CYP7B1: variants seen among roughly 807,000 people sequenced by gnomAD.
CYP7B1 encodes cytochrome P450 family 7 subfamily B member 1.
A neutral mutation model predicts 42.7 loss-of-function variants in CYP7B1; 29 were observed. The observed-to-expected ratio is 0.68, with a 90% CI of 0.51 to 0.93. CYP7B1 has a LOEUF of 0.93. CYP7B1 is among the 40% of genes least tolerant of loss of function. CYP7B1 has a pLI of 0.00. For missense variants in CYP7B1, 655 were observed against 600.5 expected (o/e 1.09, Z -0.95); for synonymous variants, 235 against 218.2 (o/e 1.08, Z -0.68).
intron 1 of CYP7B1, among the ~76,000 whole-genome samples, chr8:64,739,368 T>G (rs1193697675): frequency 2.6e-5 from 4 of 152,210 alleles, no homozygotes; most frequent in African/African-American, 9.6e-5. Context: ...AGACTCTATT[T>G]AAGGAAGAAT....
chr8:64,755,675 T>G (rs529411544), intron 1 of CYP7B1, among the ~76,000 whole-genome samples: 117 of 152,302 alleles, frequency 7.7e-4, no homozygotes, highest in African/African-American at 2.4e-3. Context: ...GGATAGTAAA[T>G]GTTTTAAACT....
chr8:64,758,679 A>C (rs1807843572), intron 1 of CYP7B1, among the ~76,000 whole-genome samples: 1 of 152,224 alleles, frequency 6.6e-6, no homozygotes, highest in Non-Finnish European at 1.5e-5. Flanking sequence ...ACAGTAACTC[A>C]CTGCATAAAC....
chr8:64,606,266 A>G (rs1447142153), intron 4 of CYP7B1, among the ~76,000 whole-genome samples: 1 of 152,210 alleles, frequency 6.6e-6, no homozygotes, highest in Non-Finnish European at 1.5e-5. Flanking sequence ...TCTACTGCAG[A>G]TAGCCACGAG....
At chr8:64,760,485 G>T (rs1807872721) in intron 1 of CYP7B1, among the ~76,000 whole-genome samples, 1 of 151,900 alleles carries the variant, frequency 6.6e-6, no homozygotes, top group Non-Finnish European at 1.5e-5. Context: ...AAATATATAA[G>T]GAATTCATAC....
intron 1 of CYP7B1, among the ~76,000 whole-genome samples, chr8:64,750,218 C>A (rs1563414646): frequency 6.6e-6 from 1 of 152,040 alleles, no homozygotes; most frequent in Admixed American, 6.6e-5. Flanking sequence ...AGTTTCAGGT[C>A]CAGAGTCATG....
chr8:64,621,054 GTTAA>G (rs1585811942), intron 2 of CYP7B1, among the ~76,000 whole-genome samples: 1 of 152,290 alleles, frequency 6.6e-6, no homozygotes, highest in East Asian at 1.9e-4. Context: ...AAACACCAGT[GTTAA>G]TTATTTAAAG....
At chr8:64,615,640 T>A (rs1297287208) in intron 3 of CYP7B1, 51 bp downstream of exon 3, 3 of 1,547,872 alleles carry the variant, frequency 1.9e-6, no homozygotes, top group Non-Finnish European at 2.7e-6. Context: ...ATTTCAGAGG[T>A]CTATTGTAAA....
At chr8:64,697,585 T>A (rs1024993481) in intron 1 of CYP7B1, among the ~76,000 whole-genome samples, 1 of 152,158 alleles carries the variant, frequency 6.6e-6, no homozygotes, top group Non-Finnish European at 1.5e-5. Flanking sequence ...GCTGAAGGAA[T>A]GAAGGAAGAA....
At chr8:64,724,900 A>T (rs1585878651) in intron 1 of CYP7B1, among the ~76,000 whole-genome samples, 1 of 152,150 alleles carries the variant, frequency 6.6e-6, no homozygotes, top group East Asian at 1.9e-4. Context: ...TAGAAATATT[A>T]CTCTAACCTT....
intron 1 of CYP7B1, among the ~76,000 whole-genome samples, chr8:64,796,779 A>G (rs894256888): frequency 1.1e-4 from 16 of 152,242 alleles, no homozygotes; most frequent in African/African-American, 3.6e-4. Context: ...AACACAGGGT[A>G]TATTTCCCCA....
chr8:64,762,146 C>T (rs1807899804), intron 1 of CYP7B1, among the ~76,000 whole-genome samples: 1 of 152,058 alleles, frequency 6.6e-6, no homozygotes, highest in African/African-American at 2.4e-5. Context: ...GCCCAAAAAC[C>T]TACTATAGTA....
intron 1 of CYP7B1, among the ~76,000 whole-genome samples, chr8:64,786,802 A>ACCC (rs1049739209): frequency 6.6e-6 from 1 of 152,158 alleles, no homozygotes; most frequent in Non-Finnish European, 1.5e-5. Flanking sequence ...TGAGGGCTCC[A>ACCC]CCCCTGTAAC....
intron 1 of CYP7B1, among the ~76,000 whole-genome samples, chr8:64,666,900 T>C (rs1227207975): frequency 6.6e-6 from 1 of 152,222 alleles, no homozygotes; most frequent in East Asian, 1.9e-4. Context: ...TGTGAAAATG[T>C]ACCTACCCTA....
At chr8:64,726,215 C>T (rs1357518448) in intron 1 of CYP7B1, among the ~76,000 whole-genome samples, 17 of 152,066 alleles carry the variant, frequency 1.1e-4, no homozygotes, top group African/African-American at 2.4e-5. Context: ...TATTCCCAAA[C>T]GTTTTCTTCT....
intron 1 of CYP7B1, among the ~76,000 whole-genome samples, chr8:64,736,047 C>A (rs1057302790): frequency 1.3e-5 from 2 of 152,104 alleles, no homozygotes; most frequent in Non-Finnish European, 2.9e-5. Flanking sequence ...CTTCTGACAA[C>A]ATCAAACAAT....
chr8:64,614,918 G>T, intron 4 of CYP7B1, 108 bp downstream of exon 4: 1 of 1,007,860 alleles, frequency 9.9e-7, no homozygotes, highest in Non-Finnish European at 1.6e-6. Flanking sequence ...GTGTTATTAT[G>T]TCAATTAGGC....
At chr8:64,676,203 T>TA (rs1435489190) in intron 1 of CYP7B1, among the ~76,000 whole-genome samples, 1 of 152,160 alleles carries the variant, frequency 6.6e-6, no homozygotes, top group Non-Finnish European at 1.5e-5. Flanking sequence ...CATTCATATT[T>TA]ATGGGGTACC....
At chr8:64,743,808 T>C (rs1055830664) in intron 1 of CYP7B1, among the ~76,000 whole-genome samples, 1 of 152,210 alleles carries the variant, frequency 6.6e-6, no homozygotes, top group African/African-American at 2.4e-5. Context: ...ATACAGCCCC[T>C]AATACATACT....
Position 64,593,174 on chromosome 8 carries a change from C to T in CYP7B1, c.*3468G>A, listed in dbSNP as rs868020189. Reference sequence around the variant, plus strand: ...ACTTTAGGCAACATGGCGAACTAGACGTCCAAGTACGAAAAGGACAGAGTA... The same window carrying T: ...ACTTTAGGCAACATGGCGAACTAGATGTCCAAGTACGAAAAGGACAGAGTA... On this transcript the variant is annotated 3_prime_UTR_variant, in exon 6 of 6. Coordinates refer to ENST00000310193, the MANE Select transcript of CYP7B1 (RefSeq NM_004820.5). Among the ~76,000 whole-genome samples, 2 of 151,292 alleles carry T rather than the reference C, an allele frequency of 1.3e-5. No individual in the cohort carries two copies. Among genetic ancestry groups the T allele is most frequent in the Non-Finnish European group, 2.9e-5 (2 of 67,934 alleles).
Sources: gnomAD v4.1 joint callset for allele counts (sites outside exome capture counted in the v4.1 genomes callset) on GRCh38, gnomAD v4.1.1 for gene constraint, MANE v1.5 for transcripts, NCBI Gene and HGNC (gene_info 2026-07-23, HGNC 2026-07-21) for gene names.